Variants in ADGRV1 observed in about 807,000 individuals in gnomAD.
ADGRV1 encodes the protein G-protein coupled receptor 98.
ADGRV1 carries 359 observed loss-of-function variants against 596.2 expected under a neutral mutation model. The ratio of observed to expected loss-of-function variants is 0.60; its 90% CI spans 0.55 to 0.66. The LOEUF is 0.66. ADGRV1 is among the 30% of genes least tolerant of loss of function. The pLI is 0.00. For missense variants in ADGRV1, 7,274 were observed against 7,575.6 expected, an observed-to-expected ratio of 0.96 and a Z score of 1.48; for synonymous variants, 2,681 against 2,679.2, an observed-to-expected ratio of 1.00 and a Z score of -0.02.
intron 53 of ADGRV1, among the ~76,000 whole-genome samples, chr5:90,753,185 C>G (rs1012183141): frequency 3.3e-5 from 5 of 152,002 alleles, no homozygotes; most frequent in Admixed American, 2.6e-4. Flanking sequence ...GGAAATAATC[C>G]GGGCAAAAGT....
intron 85 of ADGRV1, among the ~76,000 whole-genome samples, chr5:91,041,197 T>C (rs1785316583): frequency 6.6e-6 from 1 of 152,190 alleles, no homozygotes; most frequent in Admixed American, 6.5e-5. Flanking sequence ...CATATGTTTA[T>C]TGCAGCACTA....
chr5:91,006,195 A>G (rs1782260718), intron 85 of ADGRV1, among the ~76,000 whole-genome samples: 1 of 152,214 alleles, frequency 6.6e-6, no homozygotes, highest in South Asian at 2.1e-4. Context: ...TGCCATTTTT[A>G]TACTACACAA....
At chr5:90,671,116 G>A (rs1772403964) in intron 21 of ADGRV1, among the ~76,000 whole-genome samples, 1 of 152,192 alleles carries the variant, frequency 6.6e-6, no homozygotes, top group South Asian at 2.1e-4. Context: ...ACAGCTTCTT[G>A]GAAGGTTGAA....
intron 74 of ADGRV1, among the ~76,000 whole-genome samples, 181 bp from the exon 75 acceptor site, chr5:90,815,438 G>A (rs1762800463): frequency 6.6e-6 from 1 of 151,830 alleles, no homozygotes; most frequent in South Asian, 2.1e-4. Flanking sequence ...TTCCCAGTTA[G>A]ACACCTTGAT....
chr5:91,068,225 G>T (rs1334957308), intron 85 of ADGRV1, among the ~76,000 whole-genome samples: 1 of 151,988 alleles, frequency 6.6e-6, no homozygotes, highest in Non-Finnish European at 1.5e-5. Flanking sequence ...GGGAGGCCAG[G>T]GCAGGTGGAT....
At chr5:90,842,019 C>T (rs1192625652) in intron 78 of ADGRV1, among the ~76,000 whole-genome samples, 1 of 152,146 alleles carries the variant, frequency 6.6e-6, no homozygotes, top group Non-Finnish European at 1.5e-5. Flanking sequence ...TTCTAATGGC[C>T]CAATGGCGTA....
intron 59 of ADGRV1, among the ~76,000 whole-genome samples, chr5:90,773,640 A>G (rs1757924148): frequency 6.6e-6 from 1 of 152,356 alleles, no homozygotes; most frequent in East Asian, 1.9e-4. Flanking sequence ...TCTTAGACAG[A>G]AAAACTACAT....
intron 78 of ADGRV1, among the ~76,000 whole-genome samples, chr5:90,842,783 T>C (rs1765545205): frequency 6.6e-6 from 1 of 152,198 alleles, no homozygotes; most frequent in South Asian, 2.1e-4. Context: ...ATGACTAGTA[T>C]TTTATTTCAG....
intron 85 of ADGRV1, among the ~76,000 whole-genome samples, chr5:91,006,964 A>G (rs1018458635): frequency 4.6e-5 from 7 of 152,146 alleles, no homozygotes; most frequent in Non-Finnish European, 4.4e-5. Flanking sequence ...AAGTGCCTGC[A>G]AGCCACATGA....
At chr5:91,060,389 TATATATATA>T (rs1787303022) in intron 85 of ADGRV1, among the ~76,000 whole-genome samples, 1 of 49,838 alleles carries the variant, frequency 2.0e-5, no homozygotes. Context: ...TATATATATA[TATATATATA>T]TTTTTTTTTT....
intron 9 of ADGRV1, among the ~76,000 whole-genome samples, chr5:90,631,239 G>T (rs1431271056): frequency 6.6e-6 from 1 of 152,128 alleles, no homozygotes; most frequent in African/African-American, 2.4e-5. Context: ...GTCTCTGAAA[G>T]CTTTTTACAA....
intron 87 of ADGRV1, among the ~76,000 whole-genome samples, chr5:91,120,752 C>T (rs1171503501): frequency 6.6e-6 from 1 of 152,166 alleles, no homozygotes; most frequent in Admixed American, 6.5e-5. Context: ...CTCAGTACTA[C>T]AGATGCAGGG....
intron 34 of ADGRV1, among the ~76,000 whole-genome samples, chr5:90,698,875 G>A (rs556096212): frequency 1.3e-4 from 20 of 152,150 alleles, no homozygotes; most frequent in African/African-American, 4.1e-4. Flanking sequence ...TGATTACTCC[G>A]TAATCAGTGA....
At chr5:90,995,581 G>A (rs1345141895) in intron 85 of ADGRV1, among the ~76,000 whole-genome samples, 4 of 152,330 alleles carry the variant, frequency 2.6e-5, no homozygotes, top group Non-Finnish European at 4.4e-5. Flanking sequence ...GGTACCTGGA[G>A]TGGGGCATTG....
intron 85 of ADGRV1, among the ~76,000 whole-genome samples, chr5:91,050,080 A>G (rs1786180028): frequency 6.6e-6 from 1 of 152,204 alleles, no homozygotes; most frequent in South Asian, 2.1e-4. Context: ...TAACTATACC[A>G]ATCTGGGTAC....
intron 85 of ADGRV1, among the ~76,000 whole-genome samples, chr5:91,044,526 G>A (rs1428222080): frequency 1.3e-5 from 2 of 152,114 alleles, no homozygotes; most frequent in Non-Finnish European, 2.9e-5. Flanking sequence ...ACAATGAAAT[G>A]TTAGAGCTGT....
intron 85 of ADGRV1, among the ~76,000 whole-genome samples, chr5:91,069,959 T>C (rs1264220766): frequency 6.6e-6 from 1 of 151,796 alleles, no homozygotes; most frequent in Non-Finnish European, 1.5e-5. Flanking sequence ...TCATGTCCTT[T>C]GCGACAGCAT....
chr5:90,875,857 G>A (rs762503375), intron 83 of ADGRV1, among the ~76,000 whole-genome samples: 20 of 152,280 alleles, frequency 1.3e-4, no homozygotes, highest in Non-Finnish European at 2.1e-4. Context: ...GATACTCCAA[G>A]ATAGATAATA....
chr5:90,893,634 T>G lies in ADGRV1; in HGVS notation c.17856+29777T>G, dbSNP rs767338626. Among the ~76,000 whole-genome samples the G allele has an allele frequency of 9.2e-5, 14 of 152,216 alleles. 1 individual carries two copies. The highest frequency in any genetic ancestry group is 1.8e-4 in the Non-Finnish European group (12 of 68,038). On this transcript the variant is annotated intron_variant, in intron 83 of 89. Transcript: ENST00000405460. ...AGCTGACTACACAATAGTTTTACAG[T>G]TTTATCGAATAATAACTTTTAAAGC...
Sources: allele counts gnomAD v4.1 joint callset (sites outside exome capture counted in the v4.1 genomes callset), GRCh38; gene constraint gnomAD v4.1.1; transcripts MANE v1.5; gene names NCBI Gene and HGNC (gene_info 2026-07-23, HGNC 2026-07-21).